Variants in ADGRL2 observed in about 807,000 individuals in gnomAD.
ADGRL2 encodes calcium-independent alpha-latrotoxin receptor 2.
A neutral mutation model predicts 157.4 loss-of-function variants in ADGRL2; 44 were observed. That is an observed-to-expected ratio of 0.28 (90% confidence interval 0.22 to 0.36). The LOEUF is 0.36. ADGRL2 is among the 10% of genes least tolerant of loss of function. ADGRL2 has a pLI of 1.00. For missense variants in ADGRL2, 1,510 were observed against 1,768.9 expected, an observed-to-expected ratio of 0.85 and a Z score of 2.63; for synonymous variants, 585 against 624.7, an observed-to-expected ratio of 0.94 and a Z score of 0.95.
At chr1:81,756,460 A>G (rs2085693386) in intron 1 of ADGRL2, among the ~76,000 whole-genome samples, 1 of 152,188 alleles carries the variant, frequency 6.6e-6, no homozygotes, top group Admixed American at 6.6e-5. Context: ...AATGAGGGAT[A>G]TCATGGTTCA....
At chr1:81,682,548 C>T (rs1364255348) in intron 3 of ADGRL2, among the ~76,000 whole-genome samples, 2 of 152,114 alleles carry the variant, frequency 1.3e-5, no homozygotes, top group East Asian at 1.9e-4. Flanking sequence ...CTTAAACAAG[C>T]GCCTTTGAAT....
rs1257035314 is a variant in ADGRL2, at chr1:81,970,446, T to A, written c.2866T>A (p.Tyr956Asn). Residue 956 changes from tyrosine (Y) to asparagine (N), a missense_variant, in exon 16 of 24, where the codon TAT (tyrosine) becomes AAT (asparagine). This residue lies in a region of ADGRL2 where 497 missense variants were observed against 627.2 expected (regional missense o/e 0.79). Transcript: ENST00000686636. Reference protein sequence around the residue: ...VFESEYSRKKYYYVAGYLFPA... With the variant: ...VFESEYSRKKNYYVAGYLFPA... ...TGAAAGTGAATATTCAAGGAAAAAA[T>A]ATTACTATGTTGCTGGTTACTTGTT... 23 of 1,561,712 alleles carry A rather than the reference T, an allele frequency of 1.5e-5. No homozygotes were observed. Among genetic ancestry groups the A allele is most frequent in the Non-Finnish European group, 1.9e-5 (22 of 1,160,402 alleles).
chr1:81,653,123 A>G (rs1360197154), intron 3 of ADGRL2, among the ~76,000 whole-genome samples: 1 of 152,102 alleles, frequency 6.6e-6, no homozygotes, highest in African/African-American at 2.4e-5. Flanking sequence ...ATGTATATAC[A>G]TATATATTCA....
intron 1 of ADGRL2, among the ~76,000 whole-genome samples, chr1:81,753,608 T>C (rs983877357): frequency 6.6e-6 from 1 of 152,198 alleles, no homozygotes; most frequent in Admixed American, 6.6e-5. Flanking sequence ...TAGAATAATT[T>C]TCTTTAAAGC....
At chr1:81,356,971 A>AAAAAAAAAAAAAAAAAAAAAAG (rs80327519) in intron 1 of ADGRL2, among the ~76,000 whole-genome samples, 13 of 99,308 alleles carry the variant, frequency 1.3e-4, no homozygotes, top group Admixed American at 2.6e-4. Context: ...AAAAAAAAAA[A>AAAAAAAAAAAAAAAAAAAAAAG]AAGAAGTTGT....
intron 1 of ADGRL2, among the ~76,000 whole-genome samples, chr1:81,739,579 T>C (rs2085007916): frequency 6.6e-6 from 1 of 152,226 alleles, no homozygotes; most frequent in African/African-American, 2.4e-5. Flanking sequence ...CCTTATCCTA[T>C]GGTAGGCAAA....
chr1:81,533,743 C>G (rs2079662550), intron 2 of ADGRL2, among the ~76,000 whole-genome samples: 1 of 152,116 alleles, frequency 6.6e-6, no homozygotes, highest in Non-Finnish European at 1.5e-5. Flanking sequence ...TATTACAGAG[C>G]TTAGTGTTCA....
chr1:81,693,173 C>T (rs531572749), intron 3 of ADGRL2, among the ~76,000 whole-genome samples: 1 of 152,270 alleles, frequency 6.6e-6, no homozygotes, highest in South Asian at 2.1e-4. Context: ...GAACTTCTCA[C>T]AATTGCCCAA....
intron 1 of ADGRL2, among the ~76,000 whole-genome samples, chr1:81,739,704 AC>A (rs1463200732): frequency 6.6e-6 from 1 of 152,150 alleles, no homozygotes; most frequent in African/African-American, 2.4e-5. Context: ...TCAAAGTTAG[AC>A]TCAGTCTACC....
chr1:81,944,086 A>G lies in ADGRL2; in HGVS notation c.1210+317A>G, dbSNP rs1648974954. Among the ~76,000 whole-genome samples, 3 of 151,926 alleles carry G rather than the reference A, an allele frequency of 2.0e-5. No individual in the cohort carries two copies. In the South Asian group the frequency reaches 6.2e-4, roughly 32 times the overall value. ...TTTCCCCTACTTGACTGCTGAATTG[A>G]TTACAATCTATGTTCAGACCTTTTA... On this transcript the variant is annotated intron_variant, in intron 6 of 23. Coordinates refer to ENST00000686636, the MANE Select transcript of ADGRL2 (RefSeq NM_001366006.2).
At chr1:81,658,733 C>G (rs1354597004) in intron 3 of ADGRL2, among the ~76,000 whole-genome samples, 3 of 152,070 alleles carry the variant, frequency 2.0e-5, no homozygotes, top group African/African-American at 7.3e-5. Context: ...GCAACTAGCT[C>G]TATTGAATGC....
chr1:81,550,213 C>G (rs144553466), intron 2 of ADGRL2, among the ~76,000 whole-genome samples: 48 of 152,250 alleles, frequency 3.2e-4, no homozygotes, highest in African/African-American at 1.1e-3. Flanking sequence ...GAATAGGATT[C>G]AAAATGATGC....
intron 2 of ADGRL2, among the ~76,000 whole-genome samples, chr1:81,563,453 A>T (rs2080489692): frequency 6.6e-6 from 1 of 152,208 alleles, no homozygotes; most frequent in Admixed American, 6.5e-5. Context: ...AGGAAGAAAG[A>T]GAGGAGACAA....
chr1:81,431,013 A>T (rs2077310112), intron 1 of ADGRL2, among the ~76,000 whole-genome samples: 1 of 152,288 alleles, frequency 6.6e-6, no homozygotes, highest in East Asian at 1.9e-4. Flanking sequence ...GAGTAGTAAA[A>T]TTTATCCCTG....
chr1:81,461,599 G>A (rs1455179250), intron 2 of ADGRL2, among the ~76,000 whole-genome samples: 3 of 152,054 alleles, frequency 2.0e-5, no homozygotes, highest in African/African-American at 7.2e-5. Flanking sequence ...TTATCTTTTC[G>A]AAACACTTTT....
intron 1 of ADGRL2, among the ~76,000 whole-genome samples, chr1:81,333,609 T>C (rs896372075): frequency 6.6e-6 from 1 of 151,682 alleles, no homozygotes; most frequent in Non-Finnish European, 1.5e-5. Context: ...TAGAGACAGG[T>C]GTTTCACCAT....
chr1:81,399,487 C>CTT (rs147586058), intron 1 of ADGRL2, among the ~76,000 whole-genome samples: 2 of 151,076 alleles, frequency 1.3e-5, no homozygotes, highest in Non-Finnish European at 3.0e-5. Flanking sequence ...TTCTTATTTC[C>CTT]TTTTTTTTTC....
chr1:81,687,508 C>G (rs1473947065), intron 3 of ADGRL2, among the ~76,000 whole-genome samples: 8 of 152,264 alleles, frequency 5.3e-5, no homozygotes, highest in South Asian at 4.1e-4. Flanking sequence ...TTTTTCTACT[C>G]CTTTACTTTA....
rs1310934128 is a variant in ADGRL2 at position 81,512,550 on chromosome 1, G to A, written c.-248+67461G>A. Among the ~76,000 whole-genome samples, 7 of 152,178 alleles carry A rather than the reference G, an allele frequency of 4.6e-5. No individual in the cohort carries two copies. In the East Asian group the frequency reaches 1.4e-3, roughly 29 times the overall value. ...CTACAATTGTTCGGGTATCTTGGTG[G>A]CACTTCTCAGATACATCTCTTTGCA... On this transcript the variant is annotated intron_variant, in intron 2 of 24. Coordinates refer to the ADGRL2 transcript ENST00000370721.
Sources: gnomAD v4.1 joint callset for allele counts (sites outside exome capture counted in the v4.1 genomes callset) on GRCh38, gnomAD v4.1.1 for gene constraint, gnomAD v4.1.1 regional missense constraint, MANE v1.5 for transcripts, NCBI Gene and HGNC (gene_info 2026-07-23, HGNC 2026-07-21) for gene names.